Variants in ISX observed in about 807,000 individuals in gnomAD.
ISX encodes intestine specific homeobox.
Under a neutral mutation model 16.9 loss-of-function variants are expected in ISX, and 15 were observed. The ratio of observed to expected loss-of-function variants is 0.89; its 90% CI spans 0.59 to 1.36. The LOEUF is 1.36. ISX is among the 40% of genes most tolerant of loss of function. ISX has a pLI of 0.00. For synonymous variants in ISX, 125 were observed against 119.7 expected (o/e 1.04, Z -0.29); for missense variants, 316 against 306.1 (o/e 1.03, Z -0.24).
chr22:35,080,451 C>T (rs1203419965), intron 2 of ISX, among the ~76,000 whole-genome samples: 1 of 152,184 alleles, frequency 6.6e-6, no homozygotes, highest in Non-Finnish European at 1.5e-5. Flanking sequence ...CACACACACA[C>T]ACACATCTTT....
chr22:35,072,664 T>C (rs1177078734), intron 2 of ISX, among the ~76,000 whole-genome samples: 1 of 152,170 alleles, frequency 6.6e-6, no homozygotes, highest in Non-Finnish European at 1.5e-5. Flanking sequence ...AAACATTGGC[T>C]ATAATTTAAG....
At position 35,067,095 on chromosome 22, in the gene ISX, C is replaced by G. The variant is rs890176799; in HGVS notation, c.8C>G (p.Ala3Gly). MC[A>G]EVGPALCRGM... ...TCACCCCTGAGCCCCTCAATGTGTG[C>G]TGAGGTGGGCCCTGCTCTCTGCAGG... is the stretch of plus-strand genomic sequence containing the variant. Residue 3 changes from alanine (A) to glycine (G), a missense_variant, in exon 2 of 5, where the codon GCT becomes GGT. Ala to Gly is a moderately conservative substitution (Grantham distance 60). Transcript: ENST00000404699. The G allele has an allele frequency of 6.2e-7, 1 of 1,613,078 alleles. No homozygotes were observed. Among genetic ancestry groups the G allele is most frequent in the Non-Finnish European group, 8.5e-7 (1 of 1,179,376 alleles).
At chr22:35,078,430 C>G (rs1442506861) in intron 2 of ISX, among the ~76,000 whole-genome samples, 1 of 151,946 alleles carries the variant, frequency 6.6e-6, no homozygotes, top group Non-Finnish European at 1.5e-5. Flanking sequence ...CCCTTAAACA[C>G]AACACCAGCT....
chr22:35,085,286 A>G (rs1364389966), intron 4 of ISX, among the ~76,000 whole-genome samples, 168 bp from the exon 5 acceptor site: 3 of 152,196 alleles, frequency 2.0e-5, no homozygotes, highest in Non-Finnish European at 4.4e-5. Flanking sequence ...CCAGGTTTGC[A>G]TGGGTCCACA....
chr22:35,081,630 G>A (rs1929125110), intron 2 of ISX, among the ~76,000 whole-genome samples: 1 of 152,050 alleles, frequency 6.6e-6, no homozygotes, highest in South Asian at 2.1e-4. Flanking sequence ...ACTGGGCAGG[G>A]GTTCATGGAG....
At chr22:35,082,028 T>A (rs1294780916) in intron 2 of ISX, among the ~76,000 whole-genome samples, 1 of 152,218 alleles carries the variant, frequency 6.6e-6, no homozygotes, top group East Asian at 1.9e-4. Context: ...GACACACTTT[T>A]TCTATGAAGA....
At chr22:35,070,730 T>C (rs905492674) in intron 2 of ISX, among the ~76,000 whole-genome samples, 2 of 152,238 alleles carry the variant, frequency 1.3e-5, no homozygotes, top group Non-Finnish European at 2.9e-5. Context: ...TCCCTGGCAG[T>C]GCCACCTTGG....
chr22:35,079,582 C>T (rs982622509), intron 2 of ISX, among the ~76,000 whole-genome samples: 1 of 152,140 alleles, frequency 6.6e-6, no homozygotes, highest in Admixed American at 6.5e-5. Flanking sequence ...GGCTCCCTTC[C>T]CTGGGAGGCT....
At chr22:35,070,900 C>T (rs970967196) in intron 2 of ISX, among the ~76,000 whole-genome samples, 1 of 152,216 alleles carries the variant, frequency 6.6e-6, no homozygotes, top group African/African-American at 2.4e-5. Flanking sequence ...GTCTCTGTCA[C>T]AATTACGCAA....
At chr22:35,073,653 GAGA>G (rs948764272) in intron 2 of ISX, among the ~76,000 whole-genome samples, 17 of 152,332 alleles carry the variant, frequency 1.1e-4, no homozygotes, top group Admixed American at 9.1e-4. Flanking sequence ...ATGCTTCCCA[GAGA>G]AGCTGTGGTC....
At chr22:35,076,500 C>T (rs1928983700) in intron 2 of ISX, among the ~76,000 whole-genome samples, 2 of 152,184 alleles carry the variant, frequency 1.3e-5, no homozygotes, top group Non-Finnish European at 2.9e-5. Context: ...TCCTGCCCCG[C>T]ACCCCACCTT....
intron 2 of ISX, among the ~76,000 whole-genome samples, chr22:35,075,609 A>T (rs1022257980): frequency 3.7e-4 from 57 of 152,194 alleles, no homozygotes; most frequent in Non-Finnish European, 1.8e-4. Flanking sequence ...AGAAACAAAA[A>T]TTTTTTTAAA....
chr22:35,072,439 A>G (rs1400383845), intron 2 of ISX, among the ~76,000 whole-genome samples: 1 of 152,234 alleles, frequency 6.6e-6, no homozygotes, highest in Non-Finnish European at 1.5e-5. Flanking sequence ...CCTATGAGTA[A>G]CTGAAGCTCA....
Position 35,079,362 on chromosome 22 carries a change from C to T in ISX, c.230-3156C>T, listed in dbSNP as rs17716114. Among the ~76,000 whole-genome samples the T allele has an allele frequency of 5.5e-3, 832 of 152,246 alleles. 3 individuals are homozygous for T. Among genetic ancestry groups the T allele is most frequent in the Middle Eastern group, 0.014 (4 of 294 alleles). ...ATCTGACATTGTACAAAGTTTTAGA[C>T]GAATCCTGTGGAAGTCTTTTCTGTC... On this transcript the variant is annotated intron_variant, in intron 2 of 4. Transcript: ENST00000404699.
chr22:35,081,191 G>A (rs555698305), intron 2 of ISX, among the ~76,000 whole-genome samples: 207 of 152,362 alleles, frequency 1.4e-3, no homozygotes, highest in Non-Finnish European at 2.6e-3. Flanking sequence ...TAGAATTGCA[G>A]ACAAGAGAGA....
chr22:35,076,175 T>C lies in ISX; in HGVS notation c.230-6343T>C, dbSNP rs142869711. On this transcript the variant is annotated intron_variant, in intron 2 of 4. Transcript: ENST00000404699. ...CTCATAAAGAAATATTTGATTGATTTGAGCTTTGACGGATGAGTAGGAGTT... is the reference window on the plus strand; with the variant it reads ...CTCATAAAGAAATATTTGATTGATTCGAGCTTTGACGGATGAGTAGGAGTT... 2.1e-3 allele frequency among the ~76,000 whole-genome samples: 322 copies of C among 152,156 alleles called. 2 individuals are homozygous for C. The highest frequency in any genetic ancestry group is 7.5e-3 in the African/African-American group (312 of 41,502).
rs1601563052 is a variant in ISX at position 35,085,968 on chromosome 22, T to C, written c.*275T>C. The C allele has an allele frequency of 1.0e-5, 5 of 493,006 alleles. 1 individual carries two copies. In the South Asian group the frequency reaches 1.1e-4, roughly 10 times the overall value. The allele number at this position is 493,006 out of a possible 1,614,324, so 30.5% of individuals were successfully genotyped here. On this transcript the variant is annotated 3_prime_UTR_variant, in exon 5 of 5. Transcript: ENST00000404699. ...CAGGCCGAGCTCTGAAATAGGGAGGTAATCCTCCAGCACCTGTGTTTCCTC... is the reference window on the plus strand; with the variant it reads ...CAGGCCGAGCTCTGAAATAGGGAGGCAATCCTCCAGCACCTGTGTTTCCTC...
chr22:35,086,823 C>A lies in ISX; in HGVS notation c.*1130C>A, dbSNP rs796803405. The A allele has an allele frequency of 3.9e-5, 6 of 152,360 alleles. No homozygotes were observed. Among genetic ancestry groups the A allele is most frequent in the African/African-American group, 1.4e-4 (6 of 41,580 alleles). 9.4% of individuals were successfully genotyped at this position (152,360 alleles called of 1,614,324 possible). ...GGAGGTCATCCGCTGAGCATCCCTT[C>A]TGCACAGATGTCTCTGATTCTTGTC... is the stretch of plus-strand genomic sequence containing the variant. On this transcript the variant is annotated 3_prime_UTR_variant, in exon 5 of 5. Transcript: ENST00000404699.
chr22:35,080,260 A>C (rs2146293486), intron 2 of ISX, among the ~76,000 whole-genome samples: 1 of 152,262 alleles, frequency 6.6e-6, no homozygotes, highest in South Asian at 2.1e-4. Flanking sequence ...CATGACTACA[A>C]AGGCTAAATA....
Sources: allele counts gnomAD v4.1 joint callset (sites outside exome capture counted in the v4.1 genomes callset), GRCh38; gene constraint gnomAD v4.1.1; transcripts MANE v1.5; gene names NCBI Gene and HGNC (gene_info 2026-07-23, HGNC 2026-07-21).